Variants in ADD2 observed in about 807,000 individuals in gnomAD.
ADD2 encodes adducin 2, also known as beta-adducin.
In ADD2, 23 loss-of-function variants were observed where a neutral mutation model predicts 83.0. The ratio of observed to expected loss-of-function variants is 0.28; its 90% CI spans 0.20 to 0.39. The LOEUF is 0.39. ADD2 is among the 10% of genes least tolerant of loss of function. The pLI is 1.00. For synonymous variants in ADD2, 375 were observed against 375.4 expected (o/e 1.00, Z 0.01); for missense variants, 758 against 944.9 (o/e 0.80, Z 2.59).
chr2:70,659,688 TG>T lies in ADD2; in HGVS notation c.*3736del, dbSNP rs1193163035. On this transcript the variant is annotated 3_prime_UTR_variant, in exon 16 of 16. Coordinates refer to ENST00000264436, the MANE Select transcript of ADD2 (RefSeq NM_001617.4). ...AGGAGGCTCTTAGGGAGTCCAGATC[TG>T]GGCTAGAAGGTGTCTCTTTCTGCAG... The T allele has an allele frequency of 6.6e-6, 1 of 152,284 alleles. No individual in the cohort carries two copies. Among genetic ancestry groups the T allele is most frequent in the African/African-American group, 2.4e-5 (1 of 41,452 alleles). 9.4% of individuals were successfully genotyped at this position (152,284 alleles called of 1,614,324 possible).
At chr2:70,713,285 T>C (rs1672292171) in intron 1 of ADD2, 101 bp from the exon 2 acceptor site, 1 of 452,192 alleles carries the variant, frequency 2.2e-6, no homozygotes. Flanking sequence ...GAACTTGAAA[T>C]GAATTTTTAT....
At chr2:70,757,306 A>G (rs1375904240) in intron 1 of ADD2, among the ~76,000 whole-genome samples, 1 of 151,916 alleles carries the variant, frequency 6.6e-6, no homozygotes, top group Non-Finnish European at 1.5e-5. Context: ...GGGGATTTGT[A>G]CAGGGATTGT....
intron 1 of ADD2, among the ~76,000 whole-genome samples, chr2:70,739,764 AC>A (rs780304245): frequency 6.1e-4 from 93 of 152,368 alleles, no homozygotes; most frequent in Non-Finnish European, 3.8e-4. Context: ...GCAAACTAAC[AC>A]AGGAACAGAA....
chr2:70,695,016 C>G (rs544615122), intron 6 of ADD2, among the ~76,000 whole-genome samples: 1 of 152,182 alleles, frequency 6.6e-6, no homozygotes, highest in Admixed American at 6.5e-5. Context: ...TCTCAAGTGG[C>G]CTTGGCCATG....
intron 4 of ADD2, among the ~76,000 whole-genome samples, chr2:70,697,954 G>T (rs1257540061): frequency 6.6e-6 from 1 of 152,148 alleles, no homozygotes; most frequent in East Asian, 1.9e-4. Flanking sequence ...GGACAGCAGT[G>T]GTCCAAAAGC....
intron 1 of ADD2, among the ~76,000 whole-genome samples, chr2:70,734,586 C>T (rs1038666468): frequency 6.6e-6 from 1 of 152,108 alleles, no homozygotes; most frequent in Non-Finnish European, 1.5e-5. Flanking sequence ...GAAGGGAGAA[C>T]TGAAATGGAA....
intron 2 of ADD2, among the ~76,000 whole-genome samples, chr2:70,710,787 C>T (rs561723852): frequency 6.6e-6 from 1 of 152,232 alleles, no homozygotes; most frequent in South Asian, 2.1e-4. Context: ...AGTAAATTAA[C>T]TACCTTGAAA....
At chr2:70,702,211 G>C (rs1328337929) in intron 4 of ADD2, among the ~76,000 whole-genome samples, 1 of 152,184 alleles carries the variant, frequency 6.6e-6, no homozygotes, top group Admixed American at 6.5e-5. Flanking sequence ...CTGTCACTCA[G>C]ACTGGAGTGC....
At chr2:70,739,918 A>C (rs1673793182) in intron 1 of ADD2, among the ~76,000 whole-genome samples, 1 of 152,202 alleles carries the variant, frequency 6.6e-6, no homozygotes, top group African/African-American at 2.4e-5. Context: ...TAACTACTGC[A>C]TACTAGGCCT....
intron 1 of ADD2, among the ~76,000 whole-genome samples, chr2:70,753,273 T>A (rs1674604457): frequency 6.6e-6 from 1 of 152,152 alleles, no homozygotes; most frequent in Non-Finnish European, 1.5e-5. Context: ...GGCCATTAGA[T>A]TTGGCAATAT....
intron 4 of ADD2, 100 bp from the exon 5 acceptor site, chr2:70,696,496 G>A: frequency 6.7e-7 from 1 of 1,485,014 alleles, no homozygotes; most frequent in Non-Finnish European, 9.2e-7. Flanking sequence ...AAACTGCACA[G>A]GAGACTTCCC....
chr2:70,668,276 C>T (rs1375697968), intron 15 of ADD2, among the ~76,000 whole-genome samples: 1 of 152,248 alleles, frequency 6.6e-6, no homozygotes, highest in African/African-American at 2.4e-5. Context: ...AATACAGTCC[C>T]CTTCCAGGAA....
chr2:70,763,285 T>C (rs1675212005), intron 1 of ADD2, among the ~76,000 whole-genome samples: 1 of 151,934 alleles, frequency 6.6e-6, no homozygotes, highest in Non-Finnish European at 1.5e-5. Flanking sequence ...GATTTGGTGG[T>C]GGTTGTCATT....
In ADD2 at chr2:70,706,547, G is replaced by A. The variant is rs781893537; in HGVS notation, c.-34-105C>T. The A allele has an allele frequency of 1.1e-5, 12 of 1,074,470 alleles. No individual in the cohort carries two copies. Among genetic ancestry groups the A allele is most frequent in the Middle Eastern group, 2.4e-4 (1 of 4,194 alleles). 66.6% of individuals were successfully genotyped at this position (1,074,470 alleles called of 1,614,324 possible). ...TTCAGTTGGATTCTCAGTGGGGTAC[G>A]GCTGTTCCTAGGATGGTAGAGGCAG... On this transcript the variant is annotated intron_variant, in intron 2 of 15. Coordinates refer to ENST00000264436, the MANE Select transcript of ADD2 (RefSeq NM_001617.4). This position sits in a 1 kb window ranked among gnomAD's most constrained non-coding sequence, Gnocchi z 5.0.
intron 10 of ADD2, 30 bp from the exon 11 acceptor site, chr2:70,678,991 G>A (rs1670322002): frequency 1.3e-6 from 2 of 1,566,368 alleles, no homozygotes; most frequent in Non-Finnish European, 1.7e-6. Context: ...AACCACTTAT[G>A]GGGTGAGAAA....
Position 70,678,999 on chromosome 2 carries a change from A to C in ADD2, c.1126-38T>G, listed in dbSNP as rs1553369061. The C allele has an allele frequency of 1.5e-5, 24 of 1,556,412 alleles. No homozygotes were observed. In the East Asian group the frequency reaches 5.4e-4, roughly 35 times the overall value. On this transcript the variant is annotated intron_variant, in intron 10 of 15. Transcript: ENST00000264436. ...AAAATAGAACCACTTATGGGGTGAG[A>C]AAAAAGGCCTGTACCTGCACATACA... is the stretch of plus-strand genomic sequence containing the variant.
At chr2:70,668,030 G>A (rs1403772962) in intron 15 of ADD2, among the ~76,000 whole-genome samples, 2 of 152,146 alleles carry the variant, frequency 1.3e-5, no homozygotes, top group Non-Finnish European at 2.9e-5. Flanking sequence ...AAAGGTGGAG[G>A]AAGGGCAAAT....
At chr2:70,678,268 A>G (rs1670278507) in intron 11 of ADD2, among the ~76,000 whole-genome samples, 1 of 152,240 alleles carries the variant, frequency 6.6e-6, no homozygotes, top group African/African-American at 2.4e-5. Context: ...TGTTAATAAA[A>G]AATTGAGAGC....
chr2:70,688,091 G>C lies in ADD2; in HGVS notation c.881C>G (p.Ala294Gly), dbSNP rs1553370849. The C allele has an allele frequency of 1.9e-6, 3 of 1,614,156 alleles. No individual in the cohort carries two copies. Among genetic ancestry groups the C allele is most frequent in the Non-Finnish European group, 2.5e-6 (3 of 1,179,980 alleles). ...ILVLRNHGVV[A>G]LGDTVEEAFY... Reference sequence around the variant, plus strand: ...TGCCTCCTCTACCGTGTCACCCAGAGCAACCACTCCATGGTTTCTTAGCAC... The same window carrying C: ...TGCCTCCTCTACCGTGTCACCCAGACCAACCACTCCATGGTTTCTTAGCAC... Residue 294 changes from alanine to glycine, a missense_variant, in exon 9 of 16, where the codon GCT (alanine) becomes GGT (glycine). Physicochemically the swap from Ala to Gly is moderately conservative, Grantham distance 60. This residue lies in a region of ADD2 where 394 missense variants were observed against 509.3 expected (regional missense o/e 0.77). Coordinates refer to ENST00000264436, the MANE Select transcript of ADD2 (RefSeq NM_001617.4).
Sources: allele counts gnomAD v4.1 joint callset (sites outside exome capture counted in the v4.1 genomes callset), GRCh38; gene constraint gnomAD v4.1.1; regional missense constraint gnomAD v4.1.1; non-coding constraint Gnocchi (gnomAD v3.1); transcripts MANE v1.5; gene names NCBI Gene and HGNC (gene_info 2026-07-23, HGNC 2026-07-21).